PCDH9: variants seen among roughly 807,000 people sequenced by gnomAD.
The protein encoded by PCDH9 is protocadherin-9.
PCDH9 carries 24 observed loss-of-function variants against 70.6 expected under a neutral mutation model. The ratio of observed to expected loss-of-function variants is 0.34; its 90% CI spans 0.25 to 0.48. PCDH9 has a LOEUF of 0.48. Ranked by LOEUF, PCDH9 falls within the 20% of genes least tolerant of loss-of-function variation. The pLI, the probability that PCDH9 is intolerant of heterozygous loss-of-function variation, is 0.99. For synonymous variants in PCDH9, 562 were observed against 558.5 expected (o/e 1.01, Z -0.09); for missense variants, 1,281 against 1,503.6 (o/e 0.85, Z 2.45).
At chr13:66,907,472 G>C (rs2082382366) in intron 2 of PCDH9, among the ~76,000 whole-genome samples, 1 of 152,144 alleles carries the variant, frequency 6.6e-6, no homozygotes, top group African/African-American at 2.4e-5. Flanking sequence ...ATGATTGAAA[G>C]TCTGTATTGC....
At chr13:66,530,408 A>C (rs1361504717) in intron 4 of PCDH9, among the ~76,000 whole-genome samples, 3 of 152,158 alleles carry the variant, frequency 2.0e-5, no homozygotes, top group Admixed American at 2.0e-4. Flanking sequence ...ATATCAACTC[A>C]TTGAGATAAA....
At chr13:66,541,888 T>C (rs554257817) in intron 4 of PCDH9, among the ~76,000 whole-genome samples, 1 of 152,296 alleles carries the variant, frequency 6.6e-6, no homozygotes, top group South Asian at 2.1e-4. Flanking sequence ...GAGAAGTTCC[T>C]TGGAGTTTTG....
At chr13:66,503,292 G>A (rs1959186557) in intron 4 of PCDH9, among the ~76,000 whole-genome samples, 1 of 152,100 alleles carries the variant, frequency 6.6e-6, no homozygotes, top group Admixed American at 6.6e-5. Context: ...GGCATTGTTT[G>A]GCAAAATAAA....
intron 4 of PCDH9, among the ~76,000 whole-genome samples, chr13:66,521,051 A>C (rs1959965877): frequency 6.6e-6 from 1 of 152,204 alleles, no homozygotes; most frequent in Non-Finnish European, 1.5e-5. Flanking sequence ...AATTGAAAAC[A>C]GCACAGTAGG....
chr13:66,307,558 G>T (rs1955489066), intron 4 of PCDH9, among the ~76,000 whole-genome samples: 1 of 151,892 alleles, frequency 6.6e-6, no homozygotes, highest in Non-Finnish European at 1.5e-5. Flanking sequence ...AACATCAATG[G>T]AGTTAATCAC....
At chr13:67,108,287 T>A (rs11148738) in intron 2 of PCDH9, among the ~76,000 whole-genome samples, 14,749 of 152,218 alleles carry the variant, frequency 0.097, 789 homozygotes, top group Non-Finnish European at 0.12. Context: ...ATGCCAAGGA[T>A]CCCATGACAG....
At chr13:66,441,867 A>C (rs2138403195) in intron 4 of PCDH9, among the ~76,000 whole-genome samples, 1 of 152,242 alleles carries the variant, frequency 6.6e-6, no homozygotes, top group East Asian at 1.9e-4. Flanking sequence ...ACTAGTATAC[A>C]GTTTCTGGGT....
chr13:66,589,383 A>G (rs970967349), intron 4 of PCDH9, among the ~76,000 whole-genome samples: 1 of 152,212 alleles, frequency 6.6e-6, no homozygotes, highest in African/African-American at 2.4e-5. Flanking sequence ...AGGAGGATAT[A>G]TTTATGATGA....
At chr13:66,908,268 T>C (rs1183529620) in intron 2 of PCDH9, among the ~76,000 whole-genome samples, 7 of 152,190 alleles carry the variant, frequency 4.6e-5, no homozygotes, top group Admixed American at 2.0e-4. Flanking sequence ...CTACCTCTTC[T>C]TGTTTCATTT....
intron 2 of PCDH9, among the ~76,000 whole-genome samples, chr13:67,180,602 C>T (rs538454754): frequency 6.6e-6 from 1 of 152,128 alleles, no homozygotes; most frequent in African/African-American, 2.4e-5. Context: ...TCTGCATGGC[C>T]TATGTCCATT....
At chr13:67,139,592 ATAC>A (rs2087322384) in intron 2 of PCDH9, among the ~76,000 whole-genome samples, 1 of 152,208 alleles carries the variant, frequency 6.6e-6, no homozygotes, top group Non-Finnish European at 1.5e-5. Flanking sequence ...TATCTCAAAT[ATAC>A]TACTATTATA....
chr13:66,950,553 T>C (rs1279694025), intron 2 of PCDH9, among the ~76,000 whole-genome samples: 1 of 152,006 alleles, frequency 6.6e-6, no homozygotes, highest in Admixed American at 6.6e-5. Context: ...TCTGGGAAAA[T>C]ATTGTTTTCT....
At chr13:67,057,128 G>C (rs1281713516) in intron 2 of PCDH9, among the ~76,000 whole-genome samples, 1 of 152,054 alleles carries the variant, frequency 6.6e-6, no homozygotes, top group Non-Finnish European at 1.5e-5. Flanking sequence ...CTCAACTCAG[G>C]ACACACTATT....
At chr13:66,493,351 G>A (rs577469060) in intron 4 of PCDH9, among the ~76,000 whole-genome samples, 4 of 152,066 alleles carry the variant, frequency 2.6e-5, no homozygotes, top group African/African-American at 9.7e-5. Context: ...ACTGCAGATT[G>A]TTCGCAAGGT....
At chr13:67,097,705 C>T (rs1352400818) in intron 2 of PCDH9, among the ~76,000 whole-genome samples, 2 of 152,038 alleles carry the variant, frequency 1.3e-5, no homozygotes, top group Non-Finnish European at 2.9e-5. Flanking sequence ...CTGGCATCTA[C>T]ACTAAAGAAA....
chr13:67,153,058 C>A (rs752645436), intron 2 of PCDH9, among the ~76,000 whole-genome samples: 4 of 151,934 alleles, frequency 2.6e-5, no homozygotes, highest in Non-Finnish European at 4.4e-5. Context: ...TGGACATGCT[C>A]GCCTCTCCCT....
chr13:66,506,006 C>T (rs1172665382), intron 4 of PCDH9, among the ~76,000 whole-genome samples: 1 of 152,164 alleles, frequency 6.6e-6, no homozygotes, highest in African/African-American at 2.4e-5. Flanking sequence ...GGAGGGTAAT[C>T]TGTACTCTCA....
chr13:66,440,592 A>G (rs1229875939), intron 4 of PCDH9, among the ~76,000 whole-genome samples: 1 of 152,108 alleles, frequency 6.6e-6, no homozygotes, highest in Non-Finnish European at 1.5e-5. Flanking sequence ...TAATTTGTAG[A>G]TGATGAGAAA....
At position 66,870,951 on chromosome 13, in the gene PCDH9, C is replaced by T. The variant is rs1368015192; in HGVS notation, c.3138+32553G>A. On this transcript the variant is annotated intron_variant, in intron 3 of 4. Coordinates refer to ENST00000377865, the MANE Select transcript of PCDH9 (RefSeq NM_203487.3). ...GACACATGCACACTTATGTTTACTG[C>T]GGCACTATTCACAATAGCAAAGACT... is the stretch of plus-strand genomic sequence containing the variant. Among the ~76,000 whole-genome samples, 11 of 152,188 alleles carry T rather than the reference C, an allele frequency of 7.2e-5. No individual in the cohort carries two copies. The South Asian group carries it at 8.3e-4, about 11-fold the overall frequency.
Sources: allele counts gnomAD v4.1 joint callset (sites outside exome capture counted in the v4.1 genomes callset), GRCh38; gene constraint gnomAD v4.1.1; transcripts MANE v1.5; gene names NCBI Gene and HGNC (gene_info 2026-07-23, HGNC 2026-07-21).